The following EPRS1 variants were observed in gnomAD, a reference collection of about 807,000 sequenced individuals.
The protein encoded by EPRS1 is glutamyl-prolyl-tRNA synthetase 1.
Under a neutral mutation model 188.3 loss-of-function variants are expected in EPRS1, and 107 were observed. That is an observed-to-expected ratio of 0.57 (90% CI 0.49 to 0.67). The LOEUF (loss-of-function observed/expected upper bound fraction) is 0.67, where lower values mean the gene tolerates loss of function less well. Among genes scored for constraint, EPRS1 ranks in the 30% least tolerant of loss-of-function variants. The pLI is 0.00. For missense variants in EPRS1, 1,577 were observed against 1,802.2 expected (o/e 0.88, Z 2.26); for synonymous variants, 596 against 593.1 (o/e 1.00, Z -0.07).
Position 219,987,240 on chromosome 1 carries a change from TTTCTGAGGCTTA to T in EPRS1, c.2928_2939del (p.Asn976_Gln979del). 6.2e-7 allele frequency: 1 copy of T among 1,614,164 alleles called. No homozygotes were observed. Among genetic ancestry groups the T allele is most frequent in the Non-Finnish European group, 8.5e-7 (1 of 1,180,018 alleles). On this transcript the variant is annotated inframe_deletion, in exon 20 of 32. Transcript: ENST00000366923. ...GGTCTTTCCTTTGGCCATCATTTTG[TTTCTGAGGCTTA>T]TTCTGCTTTTCAGATTTATTTTCTT...
At chr1:219,984,815 G>C (rs1433053889) in intron 20 of EPRS1, among the ~76,000 whole-genome samples, 3 of 152,124 alleles carry the variant, frequency 2.0e-5, no homozygotes, top group Non-Finnish European at 4.4e-5. Flanking sequence ...GGCCAAGGCA[G>C]GCAGATCACC....
Position 220,007,787 on chromosome 1 carries a change from G to A in EPRS1, c.1606-449C>T, listed in dbSNP as rs191297408. Among the ~76,000 whole-genome samples, 957 of 152,266 alleles carry A rather than the reference G, an allele frequency of 6.3e-3. 4 individuals carry two copies. The highest frequency in any genetic ancestry group is 7.9e-3 in the Non-Finnish European group (539 of 68,020). Reference sequence around the variant, plus strand: ...ATCCTTAGAATCCCACTGCTTCGCCGGGCATGGTGGCTCACACCTGTAATC... The same window carrying A: ...ATCCTTAGAATCCCACTGCTTCGCCAGGCATGGTGGCTCACACCTGTAATC... On this transcript the variant is annotated intron_variant, in intron 13 of 31. Coordinates refer to ENST00000366923, the MANE Select transcript of EPRS1 (RefSeq NM_004446.3).
chr1:219,969,801 G>A (rs1170583560), intron 30 of EPRS1, among the ~76,000 whole-genome samples: 5 of 152,014 alleles, frequency 3.3e-5, no homozygotes, highest in African/African-American at 7.2e-5. Context: ...AATTGTGGAT[G>A]TCAGACTAGA....
At position 220,020,164 on chromosome 1, in the gene EPRS1, T is replaced by C. The variant is rs1462205864; in HGVS notation, c.1173A>G (p.Thr391=). Reference sequence around the variant, plus strand: ...GGTATTCTGTTGTTCTCAGGGCATGTGTAACACCTTCGATGCTGTCAACTA... The same window carrying C: ...GGTATTCTGTTGTTCTCAGGGCATGCGTAACACCTTCGATGCTGTCAACTA... ...CPIVDSIEGV[T]HALRTTEYHD... Residue 391 remains threonine (T), a synonymous_variant, in exon 10 of 32, where the codon ACA becomes ACG. Transcript: ENST00000366923. 7 of 1,614,104 alleles carry C rather than the reference T, an allele frequency of 4.3e-6. No homozygotes were observed. The South Asian group carries it at 4.4e-5, about 10-fold the overall frequency.
intron 1 of EPRS1, among the ~76,000 whole-genome samples, chr1:220,040,706 C>T (rs1423283155): frequency 6.6e-6 from 1 of 151,830 alleles, no homozygotes; most frequent in Non-Finnish European, 1.5e-5. Flanking sequence ...CAAAATTAGC[C>T]GGTCATGGTG....
chr1:219,972,170 A>C (rs777441821), intron 29 of EPRS1, 23 bp from the exon 30 acceptor site: 1 of 1,425,214 alleles, frequency 7.0e-7, no homozygotes, highest in East Asian at 2.4e-5. Context: ...ATTAGAAAAC[A>C]ATACATAATT....
intron 18 of EPRS1, among the ~76,000 whole-genome samples, chr1:219,991,424 T>A (rs1212119965): frequency 6.6e-6 from 1 of 152,176 alleles, no homozygotes; most frequent in Non-Finnish European, 1.5e-5. Context: ...TCTACACACG[T>A]TGGTAATGAT....
At chr1:219,985,966 C>T (rs1046984403) in intron 20 of EPRS1, among the ~76,000 whole-genome samples, 3 of 152,192 alleles carry the variant, frequency 2.0e-5, no homozygotes, top group African/African-American at 7.2e-5. Flanking sequence ...AGCACTTTCA[C>T]AGGCACTAAG....
chr1:220,023,926 G>A (rs1350457594), intron 8 of EPRS1, among the ~76,000 whole-genome samples: 1 of 152,218 alleles, frequency 6.6e-6, no homozygotes, highest in Non-Finnish European at 1.5e-5. Flanking sequence ...GGCCAAGGCA[G>A]GCAGATCACA....
chr1:219,979,664 C>T (rs755659263), intron 26 of EPRS1, 49 bp from the exon 27 acceptor site: 8 of 1,308,438 alleles, frequency 6.1e-6, no homozygotes, highest in East Asian at 2.3e-5. Context: ...ACCTATTATG[C>T]CCTTGAAAAT....
Position 219,996,861 on chromosome 1 carries a change from A to G in EPRS1, c.2541+122T>C, listed in dbSNP as rs951949151. On this transcript the variant is annotated intron_variant, in intron 18 of 31. Coordinates refer to ENST00000366923, the MANE Select transcript of EPRS1 (RefSeq NM_004446.3). ...AGAGCTTGGCACATAGCAGGTATCA[A>G]TCAATGTTGATTATTACATCAAAAT... The G allele has an allele frequency of 8.3e-6, 9 of 1,084,634 alleles. No homozygotes were observed. In the African/African-American group the frequency reaches 1.4e-4, roughly 17 times the overall value. The allele number at this position is 1,084,634 out of a possible 1,614,324, so 67.2% of individuals were successfully genotyped here.
chr1:220,019,685 C>T (rs1449386171), intron 10 of EPRS1, among the ~76,000 whole-genome samples: 1 of 152,084 alleles, frequency 6.6e-6, no homozygotes, highest in Non-Finnish European at 1.5e-5. Context: ...GATCAGTAAC[C>T]AAATATACCA....
chr1:220,019,729 A>G (rs1661824386), intron 10 of EPRS1, among the ~76,000 whole-genome samples: 1 of 152,212 alleles, frequency 6.6e-6, no homozygotes, highest in African/African-American at 2.4e-5. Context: ...CTTCTATTAA[A>G]TGCTAAGACC....
intron 14 of EPRS1, 71 bp downstream of exon 14, chr1:220,007,131 T>A (rs544313930): frequency 7.4e-7 from 1 of 1,360,202 alleles, no homozygotes; most frequent in South Asian, 1.4e-5. Flanking sequence ...AATTTGGTAA[T>A]GTTTAATAAG....
rs999000351 is a variant in EPRS1 at position 219,983,396 on chromosome 1, G to A, written c.3093C>T (p.Val1031=). Residue 1031 remains valine (V), a splice_region_variant and synonymous_variant, in exon 22 of 32, where the codon GTC becomes GTT. Transcript: ENST00000366923. ...ATTCAATCATTTCTGACTTTGTGAT[G>A]ACCTTTTTAAAAGAAAAATAGTCTT... ...EENLADWYSQ[V]ITKSEMIEYH... is the part of the protein sequence containing the mutation. The A allele has an allele frequency of 1.9e-6, 3 of 1,606,418 alleles. No individual in the cohort carries two copies. Among genetic ancestry groups the A allele is most frequent in the Non-Finnish European group, 1.7e-6 (2 of 1,175,968 alleles).
In EPRS1 at chr1:220,001,148, G is replaced by A. The variant is rs1478215981; in HGVS notation, c.2171C>T (p.Thr724Ile). Residue 724 changes from threonine to isoleucine, a missense_variant, in exon 17 of 32, where the codon ACA becomes ATA. This residue lies in a region of EPRS1 where 1,278 missense variants were observed against 1,457.4 expected (regional missense o/e 0.88). Coordinates refer to ENST00000366923, the MANE Select transcript of EPRS1 (RefSeq NM_004446.3). ...CGTAAAAGTCATTACCTCATTTTTTGTGGCTTCTACTTTGGTCTTTTCCTT... is the reference window on the plus strand; with the variant it reads ...CGTAAAAGTCATTACCTCATTTTTTATGGCTTCTACTTTGGTCTTTTCCTT... ...GSKEKTKVEA[T>I]KNETSAPFKE... 2.5e-6 allele frequency: 4 copies of A among 1,597,816 alleles called. No individual in the cohort carries two copies. Among genetic ancestry groups the A allele is most frequent in the Non-Finnish European group, 3.4e-6 (4 of 1,165,748 alleles).
chr1:220,035,042 A>G, intron 2 of EPRS1, 29 bp from the exon 3 acceptor site: 1 of 1,091,570 alleles, frequency 9.2e-7, no homozygotes, highest in Non-Finnish European at 1.4e-6. Flanking sequence ...ATAAAATATT[A>G]CTGCTGCTCT....
chr1:219,990,778 C>G (rs918275217), intron 18 of EPRS1, among the ~76,000 whole-genome samples: 2 of 152,146 alleles, frequency 1.3e-5, no homozygotes, highest in African/African-American at 4.8e-5. Context: ...AACAAATTAT[C>G]TCTTAATATA....
chr1:219,968,942 T>C lies in EPRS1; in HGVS notation c.4403A>G (p.Glu1468Gly). 2 of 1,614,150 alleles carry C rather than the reference T, an allele frequency of 1.2e-6. No individual in the cohort carries two copies. The highest frequency in any genetic ancestry group is 8.5e-7 in the Non-Finnish European group (1 of 1,179,992). Residue 1468 changes from glutamate to glycine, a missense_variant, in exon 32 of 32, where the codon GAA becomes GGA. Physicochemically the swap from Glu to Gly is moderately conservative, Grantham distance 98. Transcript: ENST00000366923. ...AGCTCCCATGGATGGAGCACCAGGTTCAAGATCTTGATCCCTGAAATTAAT... is the reference window on the plus strand; with the variant it reads ...AGCTCCCATGGATGGAGCACCAGGTCCAAGATCTTGATCCCTGAAATTAAT... ...KKTTARDQDL[E>G]PGAPSMGAKS...
Sources: gnomAD v4.1 joint callset for allele counts (sites outside exome capture counted in the v4.1 genomes callset) on GRCh38, gnomAD v4.1.1 for gene constraint, gnomAD v4.1.1 regional missense constraint, MANE v1.5 for transcripts, NCBI Gene and HGNC (gene_info 2026-07-23, HGNC 2026-07-21) for gene names.